The following ARHGEF1 variants were observed in gnomAD, a reference collection of about 807,000 sequenced individuals.
The protein encoded by ARHGEF1 is 115 kDa guanine nucleotide exchange factor.
In ARHGEF1, 40 loss-of-function variants were observed where a neutral mutation model predicts 119.7. The ratio of observed to expected loss-of-function variants is 0.33; its 90% CI spans 0.26 to 0.44. The LOEUF (loss-of-function observed/expected upper bound fraction) is 0.44. Ranked by LOEUF, ARHGEF1 falls within the 20% of genes least tolerant of loss-of-function variation. ARHGEF1 has a pLI of 1.00. For missense variants in ARHGEF1, 976 were observed against 1,268.3 expected (o/e 0.77, Z 3.50); for synonymous variants, 494 against 521.0 (o/e 0.95, Z 0.71).
At position 41,905,775 on chromosome 19, in the gene ARHGEF1, C is replaced by T; in HGVS notation, c.2352C>T (p.Leu784=). 6.2e-7 allele frequency: 1 copy of T among 1,614,126 alleles called. No individual in the cohort carries two copies. Among genetic ancestry groups the T allele is most frequent in the South Asian group, 1.1e-5 (1 of 91,082 alleles). ...RPSPSSTREP[L]LSSSENGNGG... ...CTCCCCTCAGCACCCGAGAACCCCTCCTCAGCAGCTCTGAGAACGGCAATG... is the reference window on the plus strand; with the variant it reads ...CTCCCCTCAGCACCCGAGAACCCCTTCTCAGCAGCTCTGAGAACGGCAATG... Residue 784 remains leucine (L), a synonymous_variant, in exon 25 of 29, where the codon CTC becomes CTT. Coordinates refer to ENST00000354532, the MANE Select transcript of ARHGEF1 (RefSeq NM_004706.4). The surrounding 1 kb of genome is among the most constrained non-coding windows in gnomAD (Gnocchi z 6.4).
rs1568827123 is a variant in ARHGEF1 at position 41,907,055 on chromosome 19, G to GTC, written c.*18-41_*18-40dup. On this transcript the variant is annotated intron_variant, in intron 28 of 28. Coordinates refer to ENST00000354532, the MANE Select transcript of ARHGEF1 (RefSeq NM_004706.4). ...CTTGTCTCTGTGTCTGTCTCTCCCTGTCTCTCTCTCCATCTCTCCCCGTCT... is the reference window on the plus strand; with the variant it reads ...CTTGTCTCTGTGTCTGTCTCTCCCTGTCTCTCTCTCTCCATCTCTCCCCGTCT... The GTC allele has an allele frequency of 5.6e-6, 8 of 1,432,974 alleles. No individual in the cohort carries two copies. The East Asian group carries it at 7.6e-5, about 14-fold the overall frequency. 88.8% of individuals were successfully genotyped at this position (1,432,974 alleles called of 1,614,324 possible).
chr19:41,885,608 C>T (rs1171101917), intron 1 of ARHGEF1, among the ~76,000 whole-genome samples: 2 of 152,004 alleles, frequency 1.3e-5, no homozygotes, highest in East Asian at 1.9e-4. Context: ...ACTACAGGCT[C>T]GTGCCACCAC....
chr19:41,903,387 C>T lies in ARHGEF1; in HGVS notation c.1819C>T (p.Arg607Cys), dbSNP rs782635350. 9 of 1,613,826 alleles carry T rather than the reference C, an allele frequency of 5.6e-6. No homozygotes were observed. The highest frequency in any genetic ancestry group is 1.7e-5 in the Admixed American group (1 of 59,994). ...EILHHVNQAV[R>C]DMEDLLRLKD... ...TCTACACCACGTCAACCAAGCCGTG[C>T]GTGACATGGAGGACCTGCTGGTGAG... Residue 607 changes from arginine to cysteine, a missense_variant, in exon 19 of 29, where the codon CGT becomes TGT. Around this residue, in one of 3 missense-constraint regions of ARHGEF1, gnomAD observed 286 missense variants for 506.8 expected, o/e 0.56. Coordinates refer to ENST00000354532, the MANE Select transcript of ARHGEF1 (RefSeq NM_004706.4). This position sits in a 1 kb window ranked among gnomAD's most constrained non-coding sequence, Gnocchi z 4.2.
At chr19:41,923,279 G>C (rs774347307) in intron 1 of ARHGEF1, 1 of 421,888 alleles carries the variant, frequency 2.4e-6, no homozygotes, top group Non-Finnish European at 4.8e-6. Flanking sequence ...TCAGAGGACA[G>C]AGCAAGGGCC....
At position 41,892,719 on chromosome 19, in the gene ARHGEF1, C is replaced by T; in HGVS notation, c.484C>T (p.Leu162Phe). Residue 162 changes from leucine to phenylalanine, a missense_variant, in exon 7 of 29, where the codon CTC becomes TTC. Physicochemically the swap from Leu to Phe is conservative, Grantham distance 22. Coordinates refer to ENST00000354532, the MANE Select transcript of ARHGEF1 (RefSeq NM_004706.4). This position sits in a 1 kb window ranked among gnomAD's most constrained non-coding sequence, Gnocchi z 6.3. ...GCTGGAGGACTTCCGTTCCAAGCGG[C>T]TCATGGGCATGACGCCCTGGGAGCA... ...RQLEDFRSKR[L>F]MGMTPWEQEL... The T allele has an allele frequency of 6.2e-7, 1 of 1,613,100 alleles. No individual in the cohort carries two copies. Among genetic ancestry groups the T allele is most frequent in the Non-Finnish European group, 8.5e-7 (1 of 1,179,592 alleles).
chr19:41,884,690 A>G (rs2074267339), intron 1 of ARHGEF1, among the ~76,000 whole-genome samples: 1 of 152,136 alleles, frequency 6.6e-6, no homozygotes, highest in South Asian at 2.1e-4. Flanking sequence ...GGTTCCTGCC[A>G]GCCCCCCATG....
At chr19:41,898,731 C>A in intron 14 of ARHGEF1, 144 bp downstream of exon 14, 1 of 1,127,474 alleles carries the variant, frequency 8.9e-7, no homozygotes, top group Non-Finnish European at 1.2e-6. Context: ...CCTCTTGTTC[C>A]AAGTTCAGAT....
intron 14 of ARHGEF1, among the ~76,000 whole-genome samples, chr19:41,899,568 G>C (rs1276480705): frequency 3.4e-5 from 5 of 148,470 alleles, no homozygotes; most frequent in Non-Finnish European, 5.9e-5. Context: ...GGAGTGCAAT[G>C]GCACAATCTC....
At chr19:41,921,299 A>G (rs2074841003), upstream of ARHGEF1, among the ~76,000 whole-genome samples, 1 of 151,880 alleles carries the variant, frequency 6.6e-6, no homozygotes. The surrounding 1 kb of genome is among the most constrained non-coding windows in gnomAD (Gnocchi z 4.4). Flanking sequence ...AGAGAGACCG[A>G]GGGGGTGGAG....
Position 41,892,460 on chromosome 19 carries a change from G to A in ARHGEF1, c.367+87G>A. On this transcript the variant is annotated intron_variant, in intron 6 of 28. Transcript: ENST00000354532. This position sits in a 1 kb window ranked among gnomAD's most constrained non-coding sequence, Gnocchi z 6.3. ...AAGGGGAGGGAGGCCGCACTCCCATGCTCTGCTCGGACAGCCGAGATTCAT... is the reference window on the plus strand; with the variant it reads ...AAGGGGAGGGAGGCCGCACTCCCATACTCTGCTCGGACAGCCGAGATTCAT... 2 of 1,597,342 alleles carry A rather than the reference G, an allele frequency of 1.3e-6. No homozygotes were observed. The highest frequency in any genetic ancestry group is 1.7e-6 in the Non-Finnish European group (2 of 1,166,722).
chr19:41,921,518 C>G (rs1356544262), upstream of ARHGEF1, among the ~76,000 whole-genome samples: 1 of 151,798 alleles, frequency 6.6e-6, no homozygotes, highest in Non-Finnish European at 1.5e-5. This position sits in a 1 kb window ranked among gnomAD's most constrained non-coding sequence, Gnocchi z 4.4. Context: ...GAGAGACAGG[C>G]AGGGGGAGAT....
At position 41,883,269 on chromosome 19, in the gene ARHGEF1, T is replaced by C; in HGVS notation, c.-40T>C. On this transcript the variant is annotated 5_prime_UTR_variant, in exon 1 of 29. Transcript: ENST00000354532. This position sits in a 1 kb window ranked among gnomAD's most constrained non-coding sequence, Gnocchi z 7.6. ...AGCCCGACCTCGGGCGCCCCGCCGGTCACCTCCGCGCGGACACCAGGTACT... is the reference window on the plus strand; with the variant it reads ...AGCCCGACCTCGGGCGCCCCGCCGGCCACCTCCGCGCGGACACCAGGTACT... 5.0e-6 allele frequency: 1 copy of C among 199,148 alleles called. No individual in the cohort carries two copies. The highest frequency in any genetic ancestry group is 1.1e-5 in the Non-Finnish European group (1 of 88,604). The allele number at this position is 199,148 out of a possible 1,614,324, so 12.3% of individuals were successfully genotyped here.
In ARHGEF1 at chr19:41,905,238, T is replaced by G. The variant is rs200947112; in HGVS notation, c.2313T>G (p.Pro771=). Residue 771 remains proline (P), a synonymous_variant, in exon 24 of 29, where the codon CCT becomes CCG. Coordinates refer to ENST00000354532, the MANE Select transcript of ARHGEF1 (RefSeq NM_004706.4). This position sits in a 1 kb window ranked among gnomAD's most constrained non-coding sequence, Gnocchi z 6.4. ...AAGTCCCTGCCCCTGCCTCTCGCCCTAAGCCCCGGCCCAGCCCGAGCAGGT... is the reference window on the plus strand; with the variant it reads ...AAGTCCCTGCCCCTGCCTCTCGCCCGAAGCCCCGGCCCAGCCCGAGCAGGT... The part of the protein sequence containing the change: ...SLKVPAPASR[P]KPRPSPSSTR... The G allele has an allele frequency of 3.7e-6, 6 of 1,613,666 alleles. No individual in the cohort carries two copies. Among genetic ancestry groups the G allele is most frequent in the African/African-American group, 1.3e-5 (1 of 74,972 alleles).
At chr19:41,885,007 C>T (rs1555845011) in intron 1 of ARHGEF1, among the ~76,000 whole-genome samples, 1 of 152,142 alleles carries the variant, frequency 6.6e-6, no homozygotes, top group African/African-American at 2.4e-5. Flanking sequence ...CTGCTCAACA[C>T]ATTATAGACC....
upstream of ARHGEF1, among the ~76,000 whole-genome samples, chr19:41,920,203 C>T (rs895482100): frequency 5.1e-5 from 6 of 118,562 alleles, no homozygotes; most frequent in Admixed American, 1.0e-4. Flanking sequence ...CGCTCACAGA[C>T]ATGACATGCC....
chr19:41,905,840 G>A lies in ARHGEF1; in HGVS notation c.2404+13G>A, dbSNP rs200989489. 23 of 1,614,118 alleles carry A rather than the reference G, an allele frequency of 1.4e-5. No individual in the cohort carries two copies. The African/African-American group carries it at 2.9e-4, about 21-fold the overall frequency. On this transcript the variant is annotated intron_variant, in intron 25 of 28. Coordinates refer to ENST00000354532, the MANE Select transcript of ARHGEF1 (RefSeq NM_004706.4). This position sits in a 1 kb window ranked among gnomAD's most constrained non-coding sequence, Gnocchi z 6.4. Reference sequence around the variant, plus strand: ...TCTCCAGCTGATGGTGAGACCAGAGGGATGCTGGGTGAGGGGCCAGGTTGG... The same window carrying A: ...TCTCCAGCTGATGGTGAGACCAGAGAGATGCTGGGTGAGGGGCCAGGTTGG...
At chr19:41,909,801 G>A (rs1209334054), downstream of ARHGEF1, 3 of 1,489,854 alleles carry the variant, frequency 2.0e-6, no homozygotes, top group Non-Finnish European at 2.7e-6. The surrounding 1 kb of genome is among the most constrained non-coding windows in gnomAD (Gnocchi z 5.2). Flanking sequence ...TGCAGAGGGG[G>A]CACCAGAGGG....
upstream of ARHGEF1, among the ~76,000 whole-genome samples, chr19:41,920,041 G>A (rs550139278): frequency 1.2e-4 from 14 of 120,998 alleles, no homozygotes; most frequent in South Asian, 3.9e-4. Context: ...GACATGATAC[G>A]CTCACAGACA....
chr19:41,912,490 A>G (rs2074758807), intron 18 of ARHGEF1, among the ~76,000 whole-genome samples: 1 of 152,166 alleles, frequency 6.6e-6, no homozygotes, highest in Non-Finnish European at 1.5e-5. Flanking sequence ...TGCCTGGCCT[A>G]GTGCCCCCTC....
Sources: gnomAD v4.1 joint callset for allele counts (sites outside exome capture counted in the v4.1 genomes callset) on GRCh38, gnomAD v4.1.1 for gene constraint, gnomAD v4.1.1 regional missense constraint, Gnocchi (gnomAD v3.1) non-coding constraint, MANE v1.5 for transcripts, NCBI Gene and HGNC (gene_info 2026-07-23, HGNC 2026-07-21) for gene names.